The following FBXL17 variants were observed in gnomAD, a reference collection of about 807,000 sequenced individuals.
FBXL17 encodes the protein F-box and leucine rich repeat protein 17, also known as F-box/LRR-repeat protein 17.
A neutral mutation model predicts 66.2 loss-of-function variants in FBXL17; 22 were observed. The observed-to-expected ratio is 0.33, with a 90% CI of 0.24 to 0.47. FBXL17 has a LOEUF of 0.47. FBXL17 is among the 20% of genes least tolerant of loss of function. FBXL17 has a pLI of 1.00. For missense variants in FBXL17, 878 were observed against 948.2 expected, an observed-to-expected ratio of 0.93 and a Z score of 0.97; for synonymous variants, 474 against 400.5, an observed-to-expected ratio of 1.18 and a Z score of -2.19.
intron 6 of FBXL17, among the ~76,000 whole-genome samples, chr5:108,108,778 T>G (rs1010789997): frequency 6.9e-6 from 1 of 145,836 alleles, no homozygotes; most frequent in African/African-American, 2.7e-5. Context: ...GACTCACACT[T>G]TGTTTTTGTT....
chr5:107,983,190 C>T (rs987110605), intron 7 of FBXL17, among the ~76,000 whole-genome samples: 25 of 152,104 alleles, frequency 1.6e-4, no homozygotes, highest in African/African-American at 4.6e-4. Flanking sequence ...CCTGACTGCC[C>T]AGTGTCTGAG....
intron 8 of FBXL17, among the ~76,000 whole-genome samples, chr5:107,865,911 A>G (rs748507671): frequency 2.7e-4 from 41 of 152,212 alleles, no homozygotes; most frequent in Non-Finnish European, 1.8e-4. Context: ...TTGGTGCCAT[A>G]GAGGATTCAG....
chr5:108,335,635 C>T (rs13175097), intron 4 of FBXL17, among the ~76,000 whole-genome samples: 13,404 of 151,948 alleles, frequency 0.088, 754 homozygotes, highest in South Asian at 0.17. Flanking sequence ...TGACACTAGG[C>T]AAATGCACAC....
At chr5:108,078,692 G>T (rs1311032769) in intron 6 of FBXL17, among the ~76,000 whole-genome samples, 2 of 152,112 alleles carry the variant, frequency 1.3e-5, no homozygotes, top group Non-Finnish European at 2.9e-5. Flanking sequence ...TGCTAGCTAA[G>T]GCTTCCTCTT....
intron 6 of FBXL17, among the ~76,000 whole-genome samples, chr5:108,127,398 C>T (rs1750764352): frequency 1.3e-5 from 2 of 152,152 alleles, no homozygotes; most frequent in African/African-American, 2.4e-5. Flanking sequence ...GCACAAGGGG[C>T]TTATGCATTT....
At chr5:107,929,655 T>C (rs1043574878) in intron 7 of FBXL17, among the ~76,000 whole-genome samples, 7 of 152,074 alleles carry the variant, frequency 4.6e-5, no homozygotes, top group African/African-American at 1.2e-4. Context: ...TATGAAACAA[T>C]GATTCCAAGA....
chr5:108,084,055 T>C (rs1748877990), intron 6 of FBXL17, among the ~76,000 whole-genome samples: 1 of 152,244 alleles, frequency 6.6e-6, no homozygotes, highest in Non-Finnish European at 1.5e-5. Context: ...AGAATTTATC[T>C]TTCATATTCT....
At chr5:108,354,669 A>C (rs920738778) in intron 3 of FBXL17, among the ~76,000 whole-genome samples, 3 of 151,906 alleles carry the variant, frequency 2.0e-5, no homozygotes, top group Non-Finnish European at 4.4e-5. Context: ...GCAAACAAAC[A>C]AACAAAGAAA....
At chr5:108,051,461 C>A (rs1747470748) in intron 6 of FBXL17, among the ~76,000 whole-genome samples, 1 of 152,152 alleles carries the variant, frequency 6.6e-6, no homozygotes, top group Non-Finnish European at 1.5e-5. Context: ...TGTAATCCAT[C>A]ATCACCTAAA....
intron 7 of FBXL17, among the ~76,000 whole-genome samples, chr5:108,012,014 T>C (rs926662594): frequency 2.0e-5 from 3 of 152,228 alleles, no homozygotes; most frequent in Non-Finnish European, 2.9e-5. Context: ...TCATTGAATG[T>C]TGTCTTAAAT....
chr5:108,371,133 T>G (rs1020439025), intron 1 of FBXL17, among the ~76,000 whole-genome samples: 1 of 152,180 alleles, frequency 6.6e-6, no homozygotes, highest in Non-Finnish European at 1.5e-5. Flanking sequence ...GACTTGATTT[T>G]TGGTTTTCCT....
intron 6 of FBXL17, among the ~76,000 whole-genome samples, chr5:108,039,851 A>C (rs1186973882): frequency 2.0e-5 from 3 of 152,182 alleles, no homozygotes; most frequent in African/African-American, 7.2e-5. Context: ...GTAACAAAGC[A>C]GCAAATCAGA....
At chr5:108,377,380 A>T (rs1749516475) in intron 1 of FBXL17, among the ~76,000 whole-genome samples, 1 of 152,230 alleles carries the variant, frequency 6.6e-6, no homozygotes, top group Non-Finnish European at 1.5e-5. Flanking sequence ...TAGCAAATAC[A>T]TGGTTTTTCC....
At chr5:107,879,019 T>G in intron 8 of FBXL17, 7 of 985,466 alleles carry the variant, frequency 7.1e-6, no homozygotes, top group Non-Finnish European at 6.0e-6. Flanking sequence ...TGTCTCTATT[T>G]AATTTTGGAC....
chr5:107,966,211 T>A (rs1250088299), intron 7 of FBXL17, among the ~76,000 whole-genome samples: 1 of 152,142 alleles, frequency 6.6e-6, no homozygotes, highest in Non-Finnish European at 1.5e-5. Context: ...TTCATCTCCA[T>A]ATTTTTAAAT....
chr5:107,950,794 A>G (rs1751475732), intron 7 of FBXL17, among the ~76,000 whole-genome samples: 1 of 152,248 alleles, frequency 6.6e-6, no homozygotes, highest in African/African-American at 2.4e-5. Flanking sequence ...TCCGTTTGTC[A>G]TAATAGAGCA....
chr5:107,916,254 T>A (rs1021038280), intron 7 of FBXL17, among the ~76,000 whole-genome samples: 21 of 152,232 alleles, frequency 1.4e-4, no homozygotes, highest in African/African-American at 5.1e-4. Flanking sequence ...TAAGGCCATC[T>A]AAACATGGTT....
At chr5:108,340,363 C>T (rs1380204576) in intron 4 of FBXL17, among the ~76,000 whole-genome samples, 1 of 137,456 alleles carries the variant, frequency 7.3e-6, no homozygotes, top group South Asian at 2.4e-4. Flanking sequence ...CCAGCCTGGG[C>T]AATATAGTGA....
At chr5:107,874,941 C>A (rs1219527580) in intron 8 of FBXL17, among the ~76,000 whole-genome samples, 3 of 152,150 alleles carry the variant, frequency 2.0e-5, no homozygotes, top group Admixed American at 6.5e-5. Flanking sequence ...GATTTTAGAG[C>A]CCCAGCTGCA....
Sources: gnomAD v4.1 joint callset for allele counts (sites outside exome capture counted in the v4.1 genomes callset) on GRCh38, gnomAD v4.1.1 for gene constraint, MANE v1.5 for transcripts, NCBI Gene and HGNC (gene_info 2026-07-23, HGNC 2026-07-21) for gene names.